Variants in TNR observed in about 807,000 individuals in gnomAD.
TNR encodes the protein tenascin R.
TNR carries 45 observed loss-of-function variants against 150.4 expected under a neutral mutation model. The ratio of observed to expected loss-of-function variants is 0.30; its 90% CI spans 0.24 to 0.38. The LOEUF is 0.38. TNR is among the 10% of genes least tolerant of loss of function. The probability of loss-of-function intolerance (pLI) is 1.00; values close to 1 mark genes in which losing one functional copy is unlikely to be tolerated. For synonymous variants in TNR, 687 were observed against 678.4 expected (o/e 1.01, Z -0.20); for missense variants, 1,544 against 1,759.1 (o/e 0.88, Z 2.19).
At chr1:175,491,881 C>A (rs1005007119) in intron 2 of TNR, among the ~76,000 whole-genome samples, 8 of 152,060 alleles carry the variant, frequency 5.3e-5, no homozygotes, top group Non-Finnish European at 1.2e-4. Flanking sequence ...GATCTCCTGA[C>A]CTCGTGATCC....
intron 8 of TNR, among the ~76,000 whole-genome samples, chr1:175,385,483 T>G (rs1029414334): frequency 2.0e-5 from 3 of 152,216 alleles, no homozygotes; most frequent in Non-Finnish European, 4.4e-5. Flanking sequence ...TTAGCCTTAC[T>G]GCTAGTGCTT....
intron 1 of TNR, among the ~76,000 whole-genome samples, chr1:175,652,628 G>A (rs1422657158): frequency 6.6e-6 from 1 of 152,126 alleles, no homozygotes; most frequent in Non-Finnish European, 1.5e-5. Context: ...GTTTAAAAGT[G>A]TATGGCACTT....
chr1:175,637,465 C>A (rs1374159843), intron 1 of TNR, among the ~76,000 whole-genome samples: 1 of 152,210 alleles, frequency 6.6e-6, no homozygotes, highest in Admixed American at 6.5e-5. Context: ...TGCCCCTCTT[C>A]TTTGGACTCA....
At chr1:175,459,593 C>CCTTG (rs1656724728) in intron 2 of TNR, among the ~76,000 whole-genome samples, 1 of 152,196 alleles carries the variant, frequency 6.6e-6, no homozygotes, top group Admixed American at 6.5e-5. Context: ...TTACTCTGAA[C>CCTTG]CAAGGTTCCC....
intron 2 of TNR, among the ~76,000 whole-genome samples, chr1:175,472,634 T>C (rs1657354347): frequency 6.6e-6 from 1 of 152,212 alleles, no homozygotes; most frequent in Non-Finnish European, 1.5e-5. Flanking sequence ...ACCACTGTCA[T>C]ATATGCAGCC....
At chr1:175,477,130 G>T (rs532633635) in intron 2 of TNR, among the ~76,000 whole-genome samples, 1 of 152,166 alleles carries the variant, frequency 6.6e-6, no homozygotes, top group Non-Finnish European at 1.5e-5. Flanking sequence ...ATCATTTTTA[G>T]TTCCTGGGAA....
intron 1 of TNR, among the ~76,000 whole-genome samples, chr1:175,598,153 A>G (rs952259270): frequency 2.6e-5 from 4 of 152,228 alleles, no homozygotes; most frequent in African/African-American, 9.7e-5. Context: ...TGTGTACTCA[A>G]GAACAACAGT....
At chr1:175,537,402 G>T (rs951721266) in intron 1 of TNR, among the ~76,000 whole-genome samples, 1 of 152,128 alleles carries the variant, frequency 6.6e-6, no homozygotes, top group African/African-American at 2.4e-5. Flanking sequence ...GCAGGTAATT[G>T]CTTACTCAGT....
At chr1:175,716,483 A>G (rs944214461) in intron 1 of TNR, among the ~76,000 whole-genome samples, 3 of 152,120 alleles carry the variant, frequency 2.0e-5, no homozygotes, top group Non-Finnish European at 2.9e-5. Context: ...TCCTGGAGGT[A>G]CTGCCTTTCA....
intron 2 of TNR, among the ~76,000 whole-genome samples, chr1:175,409,448 A>G (rs559730227): frequency 6.6e-6 from 1 of 152,360 alleles, no homozygotes; most frequent in Non-Finnish European, 1.5e-5. Context: ...TGACAGCTAC[A>G]AAATTACATA....
intron 1 of TNR, among the ~76,000 whole-genome samples, chr1:175,550,549 A>G (rs1660898766): frequency 6.6e-6 from 1 of 151,826 alleles, no homozygotes; most frequent in South Asian, 2.1e-4. Flanking sequence ...GGAGACTGGA[A>G]CAATGTCTCT....
In TNR at chr1:175,355,512, T is replaced by A; in HGVS notation, c.3240A>T (p.Gly1080=). ...NYVLTYKSTD[G]SRKELIVDAE... is the part of the protein sequence containing the mutation. ...TCCAGCAAAATCTCACCTTGCGGCT[T>A]CCATCGGTGGATTTGTAGGTCAAGA... The change falls in exon 17 of 23, where the codon GGA becomes GGT. Residue 1080 remains glycine (G), a synonymous_variant. Transcript: ENST00000367674. 6.2e-7 allele frequency: 1 copy of A among 1,613,904 alleles called. No individual in the cohort carries two copies. The highest frequency in any genetic ancestry group is 8.5e-7 in the Non-Finnish European group (1 of 1,179,874).
chr1:175,347,727 GT>G (rs538915620), intron 18 of TNR, among the ~76,000 whole-genome samples: 41 of 149,014 alleles, frequency 2.8e-4, no homozygotes, highest in Non-Finnish European at 4.3e-4. Context: ...GGCCTAAATA[GT>G]TTTTTTTTTA....
At chr1:175,436,056 T>C (rs1228629608) in intron 2 of TNR, among the ~76,000 whole-genome samples, 3 of 152,246 alleles carry the variant, frequency 2.0e-5, no homozygotes, top group South Asian at 2.1e-4. Flanking sequence ...CCTTTCTCTC[T>C]GGCTGCCCTT....
At chr1:175,677,964 G>A (rs1027430573) in intron 1 of TNR, among the ~76,000 whole-genome samples, 3 of 146,882 alleles carry the variant, frequency 2.0e-5, no homozygotes, top group Non-Finnish European at 4.5e-5. Flanking sequence ...AGGAATGAGT[G>A]CTTTCCCACC....
At chr1:175,530,280 G>A (rs1326816672) in intron 1 of TNR, among the ~76,000 whole-genome samples, 2 of 152,168 alleles carry the variant, frequency 1.3e-5, no homozygotes, top group African/African-American at 2.4e-5. Context: ...GAACTGGCCA[G>A]AGGGAACGTT....
intron 2 of TNR, among the ~76,000 whole-genome samples, chr1:175,410,423 A>G (rs1482176574): frequency 6.6e-6 from 1 of 152,184 alleles, no homozygotes; most frequent in African/African-American, 2.4e-5. Flanking sequence ...AAGCAATATA[A>G]CGACAATGCA....
At chr1:175,363,668 C>G in intron 13 of TNR, 40 bp downstream of exon 13, 1 of 1,602,446 alleles carries the variant, frequency 6.2e-7, no homozygotes, top group African/African-American at 1.3e-5. Flanking sequence ...AATCTTCACC[C>G]AAATCCTAGT....
At chr1:175,677,629 G>A (rs1219194665) in intron 1 of TNR, among the ~76,000 whole-genome samples, 4 of 152,172 alleles carry the variant, frequency 2.6e-5, no homozygotes, top group African/African-American at 9.7e-5. Flanking sequence ...GCCAAGACAG[G>A]CAGGGAGGAG....
Sources: allele counts gnomAD v4.1 joint callset (sites outside exome capture counted in the v4.1 genomes callset), GRCh38; gene constraint gnomAD v4.1.1; transcripts MANE v1.5; gene names NCBI Gene and HGNC (gene_info 2026-07-23, HGNC 2026-07-21).